Variants in PCDHAC1 observed in about 807,000 individuals in gnomAD.
PCDHAC1 encodes protocadherin alpha subfamily C, 1.
In PCDHAC1, 42 loss-of-function variants were observed where a neutral mutation model predicts 60.0. That is an observed-to-expected ratio of 0.70 (90% CI 0.55 to 0.90). PCDHAC1 has a LOEUF of 0.90. Among genes scored for constraint, PCDHAC1 ranks in the 40% least tolerant of loss-of-function variants. The probability of loss-of-function intolerance (pLI) is 0.00; values close to 1 mark genes in which losing one functional copy is unlikely to be tolerated. For synonymous variants in PCDHAC1, 468 were observed against 499.3 expected (o/e 0.94, Z 0.84); for missense variants, 1,160 against 1,222.3 (o/e 0.95, Z 0.76).
At chr5:140,955,043 T>C (rs1285355120) in intron 1 of PCDHAC1, among the ~76,000 whole-genome samples, 1 of 152,176 alleles carries the variant, frequency 6.6e-6, no homozygotes, top group Non-Finnish European at 1.5e-5. Context: ...CTTTTCCTCA[T>C]TGCTTGTTTT....
At chr5:140,997,291 G>C (rs2097766119) in intron 3 of PCDHAC1, among the ~76,000 whole-genome samples, 1 of 152,030 alleles carries the variant, frequency 6.6e-6, no homozygotes, top group African/African-American at 2.4e-5. Flanking sequence ...TTAACAATGG[G>C]GATACACTGA....
At chr5:141,003,368 G>C (rs2098121009) in intron 3 of PCDHAC1, among the ~76,000 whole-genome samples, 1 of 152,190 alleles carries the variant, frequency 6.6e-6, no homozygotes, top group Non-Finnish European at 1.5e-5. Flanking sequence ...CTGGAGTGCA[G>C]TGGTGCAATC....
chr5:140,949,068 CTT>C (rs1199095008), intron 1 of PCDHAC1, among the ~76,000 whole-genome samples: 2 of 151,676 alleles, frequency 1.3e-5, no homozygotes, highest in African/African-American at 4.8e-5. Context: ...TGATTTAACT[CTT>C]TCACCCATTT....
chr5:140,958,053 G>A (rs2095406506), intron 1 of PCDHAC1, among the ~76,000 whole-genome samples: 1 of 152,030 alleles, frequency 6.6e-6, no homozygotes. Context: ...ATAGAAAAAA[G>A]AGAGAAAAAA....
intron 1 of PCDHAC1, chr5:140,966,944 A>C: frequency 6.2e-7 from 1 of 1,603,894 alleles, no homozygotes; most frequent in Non-Finnish European, 8.5e-7. Context: ...GCTCGTGGGC[A>C]ACGTGGCTCG....
At chr5:140,983,513 C>G (rs893446292) in intron 3 of PCDHAC1, among the ~76,000 whole-genome samples, 1 of 152,196 alleles carries the variant, frequency 6.6e-6, no homozygotes, top group South Asian at 2.1e-4. Flanking sequence ...TGCCTAGACA[C>G]TGTGCCAAGT....
At chr5:141,001,025 TA>T (rs1300694860) in intron 3 of PCDHAC1, among the ~76,000 whole-genome samples, 1 of 152,246 alleles carries the variant, frequency 6.6e-6, no homozygotes, top group African/African-American at 2.4e-5. Context: ...ACACTTATAA[TA>T]ATAGCTTTAA....
intron 3 of PCDHAC1, 94 bp from the exon 4 acceptor site, chr5:141,009,533 G>C: frequency 1.3e-6 from 2 of 1,509,446 alleles, no homozygotes; most frequent in Non-Finnish European, 1.8e-6. Context: ...GGGAGGTTCA[G>C]CCTGCCTATG....
chr5:140,972,884 G>A (rs763416041), intron 1 of PCDHAC1, among the ~76,000 whole-genome samples: 4 of 151,972 alleles, frequency 2.6e-5, no homozygotes, highest in African/African-American at 7.3e-5. Flanking sequence ...GGATGGTCTC[G>A]ATCTCTTGAC....
intron 1 of PCDHAC1, among the ~76,000 whole-genome samples, chr5:140,954,347 G>A (rs145658065): frequency 0.023 from 3,565 of 152,288 alleles, 49 homozygotes; most frequent in Middle Eastern, 0.034. Flanking sequence ...CTAGATCTTT[G>A]AGGAATCGCC....
intron 3 of PCDHAC1, chr5:140,988,770 G>A (rs1388594585): frequency 6.6e-6 from 1 of 152,168 alleles, no homozygotes; most frequent in African/African-American, 2.4e-5. Flanking sequence ...TACAGTCATG[G>A]TTAAGACCAT....
At chr5:140,935,203 A>G (rs1403808889) in intron 1 of PCDHAC1, among the ~76,000 whole-genome samples, 1 of 152,160 alleles carries the variant, frequency 6.6e-6, no homozygotes, top group Non-Finnish European at 1.5e-5. Flanking sequence ...GTTTCTAGGT[A>G]TCTTCAGCTA....
chr5:140,962,796 A>T (rs1248367259), intron 1 of PCDHAC1, among the ~76,000 whole-genome samples: 1 of 152,222 alleles, frequency 6.6e-6, no homozygotes, highest in Non-Finnish European at 1.5e-5. Flanking sequence ...ACTACTTTGG[A>T]CAACTCTAAA....
intron 3 of PCDHAC1, among the ~76,000 whole-genome samples, chr5:140,989,535 GTT>G (rs2097346543): frequency 6.6e-6 from 1 of 152,178 alleles, no homozygotes; most frequent in Non-Finnish European, 1.5e-5. Context: ...GAGGAAGATA[GTT>G]TGTAATTCCT....
chr5:140,944,623 T>A (rs535315515), intron 1 of PCDHAC1, among the ~76,000 whole-genome samples: 62 of 152,320 alleles, frequency 4.1e-4, no homozygotes, highest in Non-Finnish European at 7.3e-4. Context: ...AGAAGTATAG[T>A]GTTGTAAGCC....
intron 3 of PCDHAC1, among the ~76,000 whole-genome samples, chr5:141,001,004 T>C (rs2097982470): frequency 1.3e-5 from 2 of 152,368 alleles, no homozygotes; most frequent in South Asian, 4.1e-4. Flanking sequence ...TTTAAATATG[T>C]ATTTAGATAT....
intron 3 of PCDHAC1, among the ~76,000 whole-genome samples, chr5:140,999,635 A>C (rs2097866612): frequency 6.6e-6 from 1 of 152,192 alleles, no homozygotes; most frequent in Non-Finnish European, 1.5e-5. Flanking sequence ...AAGGTAGAGA[A>C]AACTGTGCAG....
At chr5:140,997,572 G>T (rs1457109655) in intron 3 of PCDHAC1, among the ~76,000 whole-genome samples, 1 of 152,068 alleles carries the variant, frequency 6.6e-6, no homozygotes, top group Non-Finnish European at 1.5e-5. Context: ...CATATGTGTG[G>T]TCCGTTGTTG....
At position 140,992,285 on chromosome 5, in the gene PCDHAC1, A is replaced by G. The variant is rs114469876; in HGVS notation, c.2581+9722A>G. On this transcript the variant is annotated intron_variant, in intron 3 of 3. Transcript: ENST00000253807. ...AGTTCTTTTCGTAGCACATCCCTGCAAAGGATGGGAGTATTGTTTTGGTGG... is the reference window on the plus strand; with the variant it reads ...AGTTCTTTTCGTAGCACATCCCTGCGAAGGATGGGAGTATTGTTTTGGTGG... 2.6e-3 allele frequency among the ~76,000 whole-genome samples: 395 copies of G among 152,336 alleles called. 1 individual carries two copies. The highest frequency in any genetic ancestry group is 8.7e-3 in the African/African-American group (360 of 41,578).
Sources: gnomAD v4.1 joint callset for allele counts (sites outside exome capture counted in the v4.1 genomes callset) on GRCh38, gnomAD v4.1.1 for gene constraint, MANE v1.5 for transcripts, NCBI Gene and HGNC (gene_info 2026-07-23, HGNC 2026-07-21) for gene names.